The following TLR5 variants were observed in gnomAD, a reference collection of about 807,000 sequenced individuals.
TLR5 encodes the protein toll like receptor 5.
For missense variants in TLR5, 944 were observed against 999.8 expected (o/e 0.94, Z 0.75); for synonymous variants, 373 against 384.4 (o/e 0.97, Z 0.35).
chr1:223,134,581 T>C (rs1289923625), intron 4 of TLR5, 101 bp downstream of exon 4: 2 of 152,268 alleles, frequency 1.3e-5, no homozygotes, highest in South Asian at 2.1e-4. Flanking sequence ...AAGCATCTGA[T>C]TGAAAGAAAT....
chr1:223,111,201 C>T lies in TLR5; in HGVS notation c.1831G>A (p.Val611Met). The change falls in exon 6 of 6, where the codon GTG (valine) becomes ATG (methionine). Residue 611 changes from valine (V) to methionine (M), a missense_variant. Physicochemically the swap from Val to Met is conservative, Grantham distance 21. Coordinates refer to ENST00000642603, the MANE Select transcript of TLR5 (RefSeq NM_003268.6). Reference sequence around the variant, plus strand: ...ACCCCAGAGAACGAGTCAGGGTACACACAATATATGTCTGCAGGAGGCCCA... The same window carrying T: ...ACCCCAGAGAACGAGTCAGGGTACATACAATATATGTCTGCAGGAGGCCCA... Reference protein sequence around the residue: ...IAGPPADIYCVYPDSFSGVSL... With the variant: ...IAGPPADIYCMYPDSFSGVSL... The T allele has an allele frequency of 6.2e-7, 1 of 1,614,180 alleles. No individual in the cohort carries two copies. The highest frequency in any genetic ancestry group is 8.5e-7 in the Non-Finnish European group (1 of 1,180,032).
chr1:223,112,449 C>A lies in TLR5; in HGVS notation c.583G>T (p.Gly195Trp). The part of the protein sequence containing the change: ...VCEHELEPLQ[G>W]KTLSFFSLAA... ...AGGCTAAAAAAGGAGAGCGTTTTCC[C>A]TTGTAGGGGCTCGAGCTCATGTTCA... The change falls in exon 6 of 6, where the codon GGG becomes TGG. Residue 195 changes from glycine to tryptophan, a missense_variant. By Grantham distance (184) the Gly-to-Trp change is radical (BLOSUM62 -2). Transcript: ENST00000642603. 1 of 1,614,206 alleles carries A rather than the reference C, an allele frequency of 6.2e-7. No homozygotes were observed. Among genetic ancestry groups the A allele is most frequent in the South Asian group, 1.1e-5 (1 of 91,082 alleles).
intron 5 of TLR5, chr1:223,127,719 T>C (rs1210907291): frequency 6.6e-6 from 1 of 152,110 alleles, no homozygotes; most frequent in Non-Finnish European, 1.5e-5. Context: ...TCTGCTGGAG[T>C]GATCGCTTTT....
chr1:223,117,241 G>T (rs970214434), intron 5 of TLR5, among the ~76,000 whole-genome samples: 5 of 152,072 alleles, frequency 3.3e-5, no homozygotes, highest in African/African-American at 4.8e-5. Flanking sequence ...CCGAGTTAGG[G>T]CCTGCCAAGC....
At position 223,110,248 on chromosome 1, in the gene TLR5, T is replaced by C. The variant is rs1571719618; in HGVS notation, c.*207A>G. ...GAGACTGGAAACCTCTAAGGGCAGT[T>C]GCAATTTTCTAGATCTATTATTTTC... On this transcript the variant is annotated 3_prime_UTR_variant, in exon 6 of 6. Transcript: ENST00000642603. 11 of 605,044 alleles carry C rather than the reference T, an allele frequency of 1.8e-5. No individual in the cohort carries two copies. In the East Asian group the frequency reaches 3.1e-4, roughly 17 times the overall value. The allele number at this position is 605,044 out of a possible 1,614,324, so 37.5% of individuals were successfully genotyped here. A position where few individuals can be genotyped will look rare whatever the true frequency, so the allele number is the denominator to read the frequency against.
In TLR5 at chr1:223,112,698, G is replaced by C. The variant is rs5744166; in HGVS notation, c.334C>G (p.Pro112Ala). 2,218 of 1,614,208 alleles carry C rather than the reference G, an allele frequency of 1.4e-3. 30 individuals carry two copies. The African/African-American group carries it at 0.026, about 19-fold the overall frequency. ...TGGAACAGTCCCTGAAAAGCATCTGGATGCAAGAAGTATATCTTACTACTT... is the reference window on the plus strand; with the variant it reads ...TGGAACAGTCCCTGAAAAGCATCTGCATGCAAGAAGTATATCTTACTACTT... ...LGSSKIYFLH[P>A]DAFQGLFHLF... Residue 112 changes from proline (P) to alanine (A), a missense_variant, in exon 6 of 6, where the codon CCA becomes GCA. Transcript: ENST00000642603.
At position 223,136,531 on chromosome 1, in the gene TLR5, G is replaced by C. The variant is rs80232430; in HGVS notation, c.-353+647C>G. Among the ~76,000 whole-genome samples, 269 of 152,216 alleles carry C rather than the reference G, an allele frequency of 1.8e-3. 8 individuals carry two copies. In the East Asian group the frequency reaches 0.05, roughly 28 times the overall value. On this transcript the variant is annotated intron_variant, in intron 3 of 5. Coordinates refer to ENST00000642603, the MANE Select transcript of TLR5 (RefSeq NM_003268.6). The stretch of plus-strand genomic sequence containing the variant: ...AGAGATTCACACTCACTACCCTTTT[G>C]GTTCACAGGTTGGGAAATAAAAGAA...
At chr1:223,142,340 C>G (rs1657909837) in intron 1 of TLR5, among the ~76,000 whole-genome samples, 1 of 152,216 alleles carries the variant, frequency 6.6e-6, no homozygotes, top group African/African-American at 2.4e-5. Context: ...CTGAAGGACA[C>G]TAGGGTTACT....
Position 223,112,042 on chromosome 1 carries a change from T to C in TLR5, c.990A>G (p.Glu330=). The change falls in exon 6 of 6, where the codon GAA becomes GAG. Residue 330 remains glutamate (E), a synonymous_variant. Coordinates refer to ENST00000642603, the MANE Select transcript of TLR5 (RefSeq NM_003268.6). ...AYNKINKIAD[E]AFYGLDNLQV... ...GGAGGTTGTCAAGTCCGTAAAATGCTTCATCTGCAATCTTATTTATCTTGT... is the reference window on the plus strand; with the variant it reads ...GGAGGTTGTCAAGTCCGTAAAATGCCTCATCTGCAATCTTATTTATCTTGT... 6.2e-7 allele frequency: 1 copy of C among 1,614,242 alleles called. No individual in the cohort carries two copies. The highest frequency in any genetic ancestry group is 1.6e-4 in the Middle Eastern group (1 of 6,062).
chr1:223,119,153 T>C (rs1435395459), intron 5 of TLR5, among the ~76,000 whole-genome samples: 3 of 151,996 alleles, frequency 2.0e-5, no homozygotes, highest in Non-Finnish European at 2.9e-5. Flanking sequence ...TCCATTCAGA[T>C]GGTTGTGGGG....
rs1419881019 is a variant in TLR5, at chr1:223,110,673, G to A, written c.2359C>T (p.Leu787Phe). 1.4e-5 allele frequency: 23 copies of A among 1,614,146 alleles called. No individual in the cohort carries two copies. The highest frequency in any genetic ancestry group is 1.9e-5 in the Non-Finnish European group (22 of 1,180,038). Reference protein sequence around the residue: ...GRCLSDLNSALIMVVVGSLSQ... With the variant: ...GRCLSDLNSAFIMVVVGSLSQ... ...AAGGACCCAACCACCACCATGATGA[G>A]AGCACTGTTAAGGTCAGATAAGCAC... The change falls in exon 6 of 6, where the codon CTC becomes TTC. Residue 787 changes from leucine to phenylalanine, a missense_variant. Leu to Phe is a conservative substitution (Grantham distance 22). Coordinates refer to ENST00000642603, the MANE Select transcript of TLR5 (RefSeq NM_003268.6).
At chr1:223,117,123 G>C (rs941481085) in intron 5 of TLR5, among the ~76,000 whole-genome samples, 1 of 152,146 alleles carries the variant, frequency 6.6e-6, no homozygotes, top group African/African-American at 2.4e-5. Context: ...GCTGAGGCCC[G>C]TCGAGAATTC....
rs1656337089 is a variant in TLR5, at chr1:223,111,529, A to C, written c.1503T>G (p.Leu501=). ...TCAAATACAGAACTTGAAGATGAGA[A>C]AGTCCCTCAAAAACATCCCAACAGA... ...TELCWDVFEG[L]SHLQVLYLNH... is the part of the protein sequence containing the mutation. The change falls in exon 6 of 6, where the codon CTT becomes CTG. Residue 501 remains leucine (L), a synonymous_variant. Coordinates refer to ENST00000642603, the MANE Select transcript of TLR5 (RefSeq NM_003268.6). 1 of 1,614,176 alleles carries C rather than the reference A, an allele frequency of 6.2e-7. No individual in the cohort carries two copies. The highest frequency in any genetic ancestry group is 8.5e-7 in the Non-Finnish European group (1 of 1,180,044).
At chr1:223,130,363 C>T (rs185352674) in intron 5 of TLR5, among the ~76,000 whole-genome samples, 2 of 152,318 alleles carry the variant, frequency 1.3e-5, no homozygotes, top group East Asian at 1.9e-4. Flanking sequence ...CTCTTTGACT[C>T]ACTGTGTTGC....
chr1:223,131,847 T>C lies in TLR5; in HGVS notation c.-5+628A>G, dbSNP rs960119843. 1.3e-5 allele frequency among the ~76,000 whole-genome samples: 2 copies of C among 151,906 alleles called. No homozygotes were observed. Among genetic ancestry groups the C allele is most frequent in the African/African-American group, 4.8e-5 (2 of 41,362 alleles). The stretch of plus-strand genomic sequence containing the variant: ...CCACCTGCCTCGGCCTCCCAAAGTG[T>C]TGGGATTCCAGGCATGAGCCACCAT... On this transcript the variant is annotated intron_variant, in intron 5 of 5. Coordinates refer to ENST00000642603, the MANE Select transcript of TLR5 (RefSeq NM_003268.6). The surrounding 1 kb of genome is among the most constrained non-coding windows in gnomAD (Gnocchi z 4.2).
At chr1:223,122,707 T>G (rs1045523621) in intron 5 of TLR5, among the ~76,000 whole-genome samples, 1 of 152,192 alleles carries the variant, frequency 6.6e-6, no homozygotes, top group African/African-American at 2.4e-5. Context: ...GTAGACAACA[T>G]GTTTTTAAAC....
chr1:223,119,978 T>A (rs866851709), intron 5 of TLR5, among the ~76,000 whole-genome samples: 10 of 41,646 alleles, frequency 2.4e-4, no homozygotes, highest in African/African-American at 8.9e-4. Context: ...TAAAATAAAA[T>A]AAATAAAATA....
intron 5 of TLR5, chr1:223,129,716 G>C (rs1394990457): frequency 6.6e-6 from 1 of 152,356 alleles, no homozygotes; most frequent in Non-Finnish European, 1.5e-5. Flanking sequence ...CCGTTCATGC[G>C]GGCAAAATGG....
chr1:223,129,142 A>G (rs573792153), intron 5 of TLR5: 2 of 151,668 alleles, frequency 1.3e-5, no homozygotes, highest in African/African-American at 4.8e-5. Context: ...TTCTCTTCAA[A>G]CCCTCTTTCG....
Sources: gnomAD v4.1 joint callset for allele counts (sites outside exome capture counted in the v4.1 genomes callset) on GRCh38, gnomAD v4.1.1 for gene constraint, Gnocchi (gnomAD v3.1) non-coding constraint, MANE v1.5 for transcripts, NCBI Gene and HGNC (gene_info 2026-07-23, HGNC 2026-07-21) for gene names.